Variants in CHRNA4 observed in about 807,000 individuals in gnomAD.
CHRNA4 encodes the protein neuronal acetylcholine receptor subunit alpha-4.
CHRNA4 carries 28 observed loss-of-function variants against 48.9 expected under a neutral mutation model. The ratio of observed to expected loss-of-function variants is 0.57; its 90% confidence interval spans 0.42 to 0.79. CHRNA4 has a LOEUF of 0.79. Ranked by LOEUF, CHRNA4 falls within the 30% of genes least tolerant of loss-of-function variation. The pLI is 0.00. For synonymous variants in CHRNA4, 425 were observed against 402.3 expected, an observed-to-expected ratio of 1.06 and a Z score of -0.68; for missense variants, 859 against 898.4, an observed-to-expected ratio of 0.96 and a Z score of 0.56.
intron 2 of CHRNA4, among the ~76,000 whole-genome samples, chr20:63,357,186 CAACCCACA>C (rs1568817824): frequency 0.03 from 387 of 12,952 alleles, 4 homozygotes; most frequent in East Asian, 0.18. Flanking sequence ...CACAGGACCA[CAACCCACA>C]GGACCACATC....
chr20:63,351,829 C>T (rs2068620577), intron 4 of CHRNA4, among the ~76,000 whole-genome samples: 2 of 152,244 alleles, frequency 1.3e-5, no homozygotes, highest in Non-Finnish European at 2.9e-5. Context: ...GCTGATGTCC[C>T]TTGAACTCCT....
chr20:63,348,802 A>G (rs1210948287), intron 5 of CHRNA4, among the ~76,000 whole-genome samples: 4 of 78,178 alleles, frequency 5.1e-5, no homozygotes, highest in Non-Finnish European at 9.3e-5. Context: ...GCCTCCCCCC[A>G]TGTGACAGGC....
At chr20:63,354,311 G>T (rs1297289558) in intron 4 of CHRNA4, among the ~76,000 whole-genome samples, 8 of 114,704 alleles carry the variant, frequency 7.0e-5, no homozygotes, top group East Asian at 5.6e-4. Flanking sequence ...GTGGTCCTGG[G>T]GGGGAGCTGC....
At position 63,350,687 on chromosome 20, in the gene CHRNA4, G is replaced by C. The variant is rs2068581293; in HGVS notation, c.724C>G (p.Leu242Val). The C allele has an allele frequency of 6.2e-7, 1 of 1,613,972 alleles. No individual in the cohort carries two copies. The highest frequency in any genetic ancestry group is 8.5e-7 in the Non-Finnish European group (1 of 1,179,998). ...DITYAFVIRRLPLFYTINLII... is the reference protein window; with the variant it reads ...DITYAFVIRRVPLFYTINLII... Reference sequence around the variant, plus strand: ...AGGTTGATGGTGTAGAAGAGCGGCAGCCGCCGGATGACGAAGGCATAGGTG... The same window carrying C: ...AGGTTGATGGTGTAGAAGAGCGGCACCCGCCGGATGACGAAGGCATAGGTG... The change falls in exon 5 of 6, where the codon CTG becomes GTG. Residue 242 changes from leucine (L) to valine (V), a missense_variant. Around this residue, in one of 3 missense-constraint regions of CHRNA4, gnomAD observed 342 missense variants for 365.3 expected, o/e 0.94. Coordinates refer to ENST00000370263, the MANE Select transcript of CHRNA4 (RefSeq NM_000744.7).
Position 63,361,101 on chromosome 20 carries a change from C to T in CHRNA4, c.65G>A (p.Gly22Asp). ...LPPLLLLLGT[G>D]LLRASSHVET... ...GCCCCGTAACTTACCGCGCAGGAGGCCGGTCCCCAGAAGCAGCAGCAGCGG... is the reference window on the plus strand; with the variant it reads ...GCCCCGTAACTTACCGCGCAGGAGGTCGGTCCCCAGAAGCAGCAGCAGCGG... The change falls in exon 1 of 6, where the codon GGC (glycine) becomes GAC (aspartate). Residue 22 changes from glycine (G) to aspartate (D), a missense_variant. Gly to Asp is a moderately conservative substitution (Grantham distance 94). This residue lies in a region of CHRNA4 where 342 missense variants were observed against 365.3 expected (regional missense o/e 0.94). Coordinates refer to ENST00000370263, the MANE Select transcript of CHRNA4 (RefSeq NM_000744.7). 1 of 1,472,620 alleles carries T rather than the reference C, an allele frequency of 6.8e-7. No homozygotes were observed. The highest frequency in any genetic ancestry group is 9.0e-7 in the Non-Finnish European group (1 of 1,117,312). The allele number at this position is 1,472,620 out of a possible 1,614,324, so 91.2% of individuals were successfully genotyped here. A position where few individuals can be genotyped will look rare whatever the true frequency, so the allele number is the denominator to read the frequency against.
In CHRNA4 at chr20:63,346,028, G is replaced by T. The variant is rs1019892577; in HGVS notation, c.*710C>A. On this transcript the variant is annotated 3_prime_UTR_variant, in exon 6 of 6. Transcript: ENST00000370263. ...TTCCTGTCCCCCGCGGAGGGCCTGC[G>T]CAGGGGAGAGCTGGTCCCGCGTGGG... 3 of 453,874 alleles carry T rather than the reference G, an allele frequency of 6.6e-6. No individual in the cohort carries two copies. Among genetic ancestry groups the T allele is most frequent in the East Asian group, 7.0e-5 (1 of 14,366 alleles). The allele number at this position is 453,874 out of a possible 1,614,324, so 28.1% of individuals were successfully genotyped here.
rs1340075227 is a variant in CHRNA4, at chr20:63,355,926, C to T, written c.383+49G>A. On this transcript the variant is annotated intron_variant, in intron 4 of 5. Coordinates refer to ENST00000370263, the MANE Select transcript of CHRNA4 (RefSeq NM_000744.7). ...TGGGCAGGGGCAGGCCCTGGCCACTCCTGCCCACCAAGGCCCTGTAGAGGA... is the reference window on the plus strand; with the variant it reads ...TGGGCAGGGGCAGGCCCTGGCCACTTCTGCCCACCAAGGCCCTGTAGAGGA... 3.7e-6 allele frequency: 6 copies of T among 1,601,748 alleles called. 1 individual carries two copies. The highest frequency in any genetic ancestry group is 2.2e-5 in the South Asian group (2 of 89,898).
At chr20:63,356,762 C>T (rs2068724840) in intron 2 of CHRNA4, among the ~76,000 whole-genome samples, 1 of 152,154 alleles carries the variant, frequency 6.6e-6, no homozygotes, top group Non-Finnish European at 1.5e-5. Context: ...GGGGGCAGCC[C>T]CTCTGCAGAC....
At chr20:63,355,172 G>A (rs573818141) in intron 4 of CHRNA4, among the ~76,000 whole-genome samples, 1 of 152,330 alleles carries the variant, frequency 6.6e-6, no homozygotes, top group East Asian at 1.9e-4. Context: ...ATCCCTGGAG[G>A]ACTCAGCTCA....
chr20:63,344,955 C>T lies in CHRNA4; in HGVS notation c.*1783G>A, dbSNP rs1461712628. 2.4e-6 allele frequency: 1 copy of T among 411,738 alleles called. No individual in the cohort carries two copies. Among genetic ancestry groups the T allele is most frequent in the Non-Finnish European group, 4.9e-6 (1 of 202,060 alleles). 25.5% of individuals were successfully genotyped at this position (411,738 alleles called of 1,614,324 possible). A position where few individuals can be genotyped will look rare whatever the true frequency, so the allele number is the denominator to read the frequency against. On this transcript the variant is annotated 3_prime_UTR_variant, in exon 6 of 6. Transcript: ENST00000370263. The surrounding 1 kb of genome is among the most constrained non-coding windows in gnomAD (Gnocchi z 4.5). The stretch of plus-strand genomic sequence containing the variant: ...GGATTTGGCACGGGGGTCTCTGTGT[C>T]CCACCCACTCCTGGCACAAAAGCCC...
At position 63,343,966 on chromosome 20, in the gene CHRNA4, A is replaced by G; in HGVS notation, c.*2772T>C. ...GGGTCTGAAAGATGTTAAAACATTA[A>G]CAGATGCAGAAAATAAACATGCATA... On this transcript the variant is annotated 3_prime_UTR_variant, in exon 6 of 6. Transcript: ENST00000370263. The G allele has an allele frequency of 2.2e-6, 1 of 454,142 alleles. No individual in the cohort carries two copies. Among genetic ancestry groups the G allele is most frequent in the Admixed American group, 2.3e-5 (1 of 42,580 alleles). The allele number at this position is 454,142 out of a possible 1,614,324, so 28.1% of individuals were successfully genotyped here. A position where few individuals can be genotyped will look rare whatever the true frequency, so the allele number is the denominator to read the frequency against.
intron 5 of CHRNA4, among the ~76,000 whole-genome samples, chr20:63,348,462 T>C (rs535330475): frequency 7.3e-4 from 111 of 152,326 alleles, no homozygotes; most frequent in African/African-American, 2.7e-3. Flanking sequence ...CCCTCACTTT[T>C]CATGGGTATG....
intron 4 of CHRNA4, among the ~76,000 whole-genome samples, chr20:63,353,204 C>T (rs2068641978): frequency 6.6e-6 from 1 of 152,248 alleles, no homozygotes; most frequent in South Asian, 2.1e-4. Context: ...TCCCACCCTG[C>T]AGCCTGGCCG....
At chr20:63,352,202 C>T (rs1164684032) in intron 4 of CHRNA4, among the ~76,000 whole-genome samples, 1 of 152,320 alleles carries the variant, frequency 6.6e-6, no homozygotes, top group African/African-American at 2.4e-5. Context: ...AGGGCCTCTC[C>T]AGGTACTTGG....
intron 1 of CHRNA4, 191 bp downstream of exon 1, chr20:63,360,899 C>G (rs1420867347): frequency 6.7e-6 from 3 of 448,470 alleles, no homozygotes; most frequent in Admixed American, 8.9e-5. Flanking sequence ...GCGGTCAACT[C>G]CCTCCTCGCC....
rs1362838287 is a variant in CHRNA4 at position 63,345,775 on chromosome 20, C to T, written c.*963G>A. The T allele has an allele frequency of 2.3e-6, 1 of 443,330 alleles. No individual in the cohort carries two copies. The highest frequency in any genetic ancestry group is 4.6e-6 in the Non-Finnish European group (1 of 218,250). 27.5% of individuals were successfully genotyped at this position (443,330 alleles called of 1,614,324 possible). The stretch of plus-strand genomic sequence containing the variant: ...TTCTTCCCGAACCCAGAGCCCAGGG[C>T]GGATCTCCCGGGCTGCGCGCCAAGG... On this transcript the variant is annotated 3_prime_UTR_variant, in exon 6 of 6. Coordinates refer to ENST00000370263, the MANE Select transcript of CHRNA4 (RefSeq NM_000744.7). This position sits in a 1 kb window ranked among gnomAD's most constrained non-coding sequence, Gnocchi z 5.4.
At chr20:63,355,323 C>T (rs937489613) in intron 4 of CHRNA4, 1 of 376,250 alleles carries the variant, frequency 2.7e-6, no homozygotes, top group Non-Finnish European at 5.0e-6. Flanking sequence ...ACAGAAAACC[C>T]GTTTCCATGA....
chr20:63,350,507 C>T lies in CHRNA4; in HGVS notation c.904G>A (p.Val302Ile), dbSNP rs200010295. ...AGGTACTCGCCGATGAGTGGGATGA[C>T]CAGTGAGGTGGACGGGATGATCTCG... ...ITEIIPSTSL[V>I]IPLIGEYLLF... The change falls in exon 5 of 6, where the codon GTC becomes ATC. Residue 302 changes from valine (V) to isoleucine (I), a missense_variant. Transcript: ENST00000370263. 7 of 1,613,508 alleles carry T rather than the reference C, an allele frequency of 4.3e-6. No individual in the cohort carries two copies. The highest frequency in any genetic ancestry group is 5.9e-6 in the Non-Finnish European group (7 of 1,179,938).
rs769392901 is a variant in CHRNA4, at chr20:63,351,052, G to A, written c.384-25C>T. On this transcript the variant is annotated intron_variant, in intron 4 of 5. Transcript: ENST00000370263. ...ACTGGGCAGGAAGAGAGCGAAGGGT[G>A]TGAGACCCCCACATCCATGCCCACG... 8.1e-6 allele frequency: 13 copies of A among 1,606,552 alleles called. No homozygotes were observed. In the South Asian group the frequency reaches 1.1e-4, roughly 14 times the overall value.
Sources: allele counts gnomAD v4.1 joint callset (sites outside exome capture counted in the v4.1 genomes callset), GRCh38; gene constraint gnomAD v4.1.1; regional missense constraint gnomAD v4.1.1; non-coding constraint Gnocchi (gnomAD v3.1); transcripts MANE v1.5; gene names NCBI Gene and HGNC (gene_info 2026-07-23, HGNC 2026-07-21).